Variants in CCNY observed in about 807,000 individuals in gnomAD.
The protein encoded by CCNY is cyclin-Y.
In CCNY, 19 loss-of-function variants were observed where a neutral mutation model predicts 42.8. The observed-to-expected ratio is 0.44, with a 90% CI of 0.31 to 0.65. The LOEUF is 0.65. Among genes scored for constraint, CCNY ranks in the 30% least tolerant of loss-of-function variants. The probability of loss-of-function intolerance (pLI) is 0.07; values close to 1 mark genes in which losing one functional copy is unlikely to be tolerated. For missense variants in CCNY, 370 were observed against 437.3 expected (o/e 0.85, Z 1.37); for synonymous variants, 165 against 162.7 (o/e 1.01, Z -0.11).
At chr10:35,549,695 G>T (rs1423956318) in intron 7 of CCNY, among the ~76,000 whole-genome samples, 1 of 145,790 alleles carries the variant, frequency 6.9e-6, no homozygotes, top group Non-Finnish European at 1.5e-5. Context: ...CGCTGCTCAT[G>T]GTCCGTGACC....
intron 7 of CCNY, among the ~76,000 whole-genome samples, chr10:35,540,505 TG>T (rs1564451446): frequency 6.6e-6 from 1 of 152,182 alleles, no homozygotes; most frequent in Non-Finnish European, 1.5e-5. Context: ...GTGATAGCTT[TG>T]GTTTTGGTAT....
At chr10:35,269,621 T>TG (rs57388153) in intron 3 of CCNY, among the ~76,000 whole-genome samples, 1 of 136,854 alleles carries the variant, frequency 7.3e-6, no homozygotes, top group African/African-American at 3.3e-5. Flanking sequence ...GCCACTCTTT[T>TG]TTTTTTTTTG....
At chr10:35,422,600 A>G (rs1470203401) in intron 1 of CCNY, among the ~76,000 whole-genome samples, 2 of 152,260 alleles carry the variant, frequency 1.3e-5, no homozygotes, top group African/African-American at 4.8e-5. Flanking sequence ...CTTTCAAGAT[A>G]TGTTGTTTTA....
rs950060996 is a variant in CCNY, at chr10:35,534,485, G to A, written c.579+4242G>A. ...AGTTGGTGATTGATGGAGGGATTCC[G>A]GCATAAGGGAAGGGGAACCAAGAAG... On this transcript the variant is annotated intron_variant, in intron 7 of 9. Transcript: ENST00000374704. 1.2e-4 allele frequency among the ~76,000 whole-genome samples: 18 copies of A among 152,292 alleles called. No individual in the cohort carries two copies. In the South Asian group the frequency reaches 1.2e-3, roughly 11 times the overall value.
chr10:35,281,704 T>C (rs1835300564), intron 3 of CCNY, among the ~76,000 whole-genome samples: 1 of 152,136 alleles, frequency 6.6e-6, no homozygotes, highest in Admixed American at 6.6e-5. Flanking sequence ...ATGAATGAAA[T>C]GTGATATATC....
intron 3 of CCNY, among the ~76,000 whole-genome samples, chr10:35,254,048 T>G (rs967507934): frequency 2.6e-5 from 4 of 151,984 alleles, no homozygotes; most frequent in African/African-American, 9.7e-5. Flanking sequence ...GCTAATTTTT[T>G]TGTATTTTTT....
At chr10:35,479,688 G>A (rs1589148671) in intron 1 of CCNY, among the ~76,000 whole-genome samples, 1 of 150,854 alleles carries the variant, frequency 6.6e-6, no homozygotes, top group South Asian at 2.1e-4. Context: ...CAGCACACCA[G>A]CATGGCACAT....
At chr10:35,424,214 TG>T (rs1341635990) in intron 1 of CCNY, among the ~76,000 whole-genome samples, 2 of 152,170 alleles carry the variant, frequency 1.3e-5, no homozygotes, top group African/African-American at 4.8e-5. Context: ...AGTTCTCAAA[TG>T]TTTTTTTCTT....
intron 1 of CCNY, among the ~76,000 whole-genome samples, chr10:35,340,910 A>G (rs1836165199): frequency 6.6e-6 from 1 of 152,054 alleles, no homozygotes; most frequent in Non-Finnish European, 1.5e-5. Context: ...CTCAGAATAT[A>G]TCAGACTTTG....
At chr10:35,538,472 A>G (rs1432221151) in intron 7 of CCNY, among the ~76,000 whole-genome samples, 1 of 152,194 alleles carries the variant, frequency 6.6e-6, no homozygotes, top group African/African-American at 2.4e-5. Flanking sequence ...CATCCTTATC[A>G]ATGCTTGTTA....
chr10:35,464,301 A>G (rs1226065375), intron 1 of CCNY, among the ~76,000 whole-genome samples: 2 of 152,144 alleles, frequency 1.3e-5, no homozygotes, highest in Non-Finnish European at 2.9e-5. Flanking sequence ...CGTCTCCTCC[A>G]GATCTTCAAA....
chr10:35,407,141 C>T (rs1184129883), intron 1 of CCNY, among the ~76,000 whole-genome samples: 1 of 152,086 alleles, frequency 6.6e-6, no homozygotes, highest in East Asian at 1.9e-4. Flanking sequence ...TTGATTATGC[C>T]TTTAGCTCCA....
At chr10:35,326,382 G>T (rs557098249) in intron 3 of CCNY, among the ~76,000 whole-genome samples, 22 of 152,274 alleles carry the variant, frequency 1.4e-4, no homozygotes, top group African/African-American at 4.3e-4. Context: ...GCAATGAAAC[G>T]GCAGGGCGCT....
chr10:35,386,948 T>C (rs912155200), intron 1 of CCNY, among the ~76,000 whole-genome samples: 1 of 152,198 alleles, frequency 6.6e-6, no homozygotes, highest in East Asian at 1.9e-4. Flanking sequence ...GCTGCCTTTG[T>C]GCACGTTCAC....
intron 8 of CCNY, among the ~76,000 whole-genome samples, chr10:35,564,339 G>A (rs936688661): frequency 4.6e-5 from 7 of 152,062 alleles, no homozygotes; most frequent in Non-Finnish European, 8.8e-5. Context: ...CCTGCCCACA[G>A]GTCCCAGTGC....
intron 1 of CCNY, among the ~76,000 whole-genome samples, chr10:35,424,517 C>T (rs1318812811): frequency 1.3e-5 from 2 of 152,264 alleles, no homozygotes; most frequent in African/African-American, 2.4e-5. Flanking sequence ...TGAGCCACCG[C>T]GCCCAGCCGT....
intron 2 of CCNY, among the ~76,000 whole-genome samples, chr10:35,487,308 A>C (rs963498428): frequency 6.6e-6 from 1 of 152,058 alleles, no homozygotes; most frequent in African/African-American, 2.4e-5. Context: ...TCAGGTTAAT[A>C]TACTTTGACA....
chr10:35,535,307 T>C (rs1840862181), intron 7 of CCNY, among the ~76,000 whole-genome samples: 1 of 151,992 alleles, frequency 6.6e-6, no homozygotes, highest in Non-Finnish European at 1.5e-5. Context: ...TCTCTAGATG[T>C]TCCAGTAGAT....
At chr10:35,414,658 G>A (rs1325654381) in intron 1 of CCNY, among the ~76,000 whole-genome samples, 1 of 152,202 alleles carries the variant, frequency 6.6e-6, no homozygotes, top group Non-Finnish European at 1.5e-5. Context: ...GTAGGACTCC[G>A]TGATACATCT....
Sources: gnomAD v4.1 joint callset for allele counts (sites outside exome capture counted in the v4.1 genomes callset) on GRCh38, gnomAD v4.1.1 for gene constraint, MANE v1.5 for transcripts, NCBI Gene and HGNC (gene_info 2026-07-23, HGNC 2026-07-21) for gene names.